Variants in TGFB2 observed in about 807,000 individuals in gnomAD.
TGFB2 encodes transforming growth factor beta 2.
TGFB2 carries 13 observed loss-of-function variants against 42.7 expected under a neutral mutation model. The ratio of observed to expected loss-of-function variants is 0.30; its 90% CI spans 0.20 to 0.48. TGFB2 has a LOEUF of 0.48. Among genes scored for constraint, TGFB2 ranks in the 20% least tolerant of loss-of-function variants. The probability of loss-of-function intolerance (pLI) is 0.99; values close to 1 mark genes in which losing one functional copy is unlikely to be tolerated. For missense variants in TGFB2, 390 were observed against 517.5 expected (o/e 0.75, Z 2.39); for synonymous variants, 193 against 193.6 (o/e 1.00, Z 0.03).
intron 1 of TGFB2, among the ~76,000 whole-genome samples, chr1:218,351,338 G>T (rs978725450): frequency 6.6e-6 from 1 of 152,164 alleles, no homozygotes; most frequent in South Asian, 2.1e-4. Context: ...GAAAGAAAAA[G>T]AGAGCGTATC....
intron 1 of TGFB2, among the ~76,000 whole-genome samples, chr1:218,371,437 C>T (rs558298088): frequency 1.5e-4 from 23 of 152,306 alleles, no homozygotes; most frequent in African/African-American, 5.3e-4. Flanking sequence ...TGAATATTTA[C>T]TGCATATTTG....
At position 218,436,161 on chromosome 1, in the gene TGFB2, A is replaced by G; in HGVS notation, c.932+14A>G. On this transcript the variant is annotated intron_variant, in intron 5 of 6. Coordinates refer to ENST00000366930, the MANE Select transcript of TGFB2 (RefSeq NM_003238.6). ...CTATTGCTTTAGGTAAAGGAAAGAA[A>G]AGTAAAACCAAGTAATTGCATCTGT... The G allele has an allele frequency of 6.2e-7, 1 of 1,603,544 alleles. No individual in the cohort carries two copies. The highest frequency in any genetic ancestry group is 8.5e-7 in the Non-Finnish European group (1 of 1,176,158).
intron 1 of TGFB2, among the ~76,000 whole-genome samples, chr1:218,367,083 G>A (rs913633425): frequency 3.9e-5 from 6 of 152,178 alleles, no homozygotes; most frequent in African/African-American, 1.4e-4. Flanking sequence ...ATCGTGTGTG[G>A]GTGTTGGATG....
Position 218,346,109 on chromosome 1 carries a change from C to T in TGFB2, c.-593C>T. The T allele has an allele frequency of 6.4e-6, 1 of 155,176 alleles. No homozygotes were observed. The highest frequency in any genetic ancestry group is 1.9e-4 in the East Asian group (1 of 5,230). 9.6% of individuals were successfully genotyped at this position (155,176 alleles called of 1,614,324 possible). On this transcript the variant is annotated 5_prime_UTR_variant, in exon 1 of 7. Transcript: ENST00000366930. The surrounding 1 kb of genome is among the most constrained non-coding windows in gnomAD (Gnocchi z 4.9). ...ACGCACACACGTGTGCGCTTCTCTG[C>T]TCCGGAGCTGCTGCTGCTCCTGCTC...
At chr1:218,435,878 A>C in intron 4 of TGFB2, 92 bp from the exon 5 acceptor site, 3 of 1,307,054 alleles carry the variant, frequency 2.3e-6, no homozygotes, top group Non-Finnish European at 3.2e-6. Flanking sequence ...CATCACTGCT[A>C]TTTGTGACAA....
At chr1:218,380,205 CAT>C (rs1412962699) in intron 1 of TGFB2, among the ~76,000 whole-genome samples, 1 of 152,184 alleles carries the variant, frequency 6.6e-6, no homozygotes, top group African/African-American at 2.4e-5. Flanking sequence ...GGTGACCAAT[CAT>C]GTGTCCCTAA....
chr1:218,414,329 G>A (rs1265690248), intron 2 of TGFB2, among the ~76,000 whole-genome samples: 1 of 151,966 alleles, frequency 6.6e-6, no homozygotes, highest in South Asian at 2.1e-4. Context: ...CCAAAAAACT[G>A]TCTGTTAAAT....
chr1:218,422,518 G>A (rs1659490964), intron 2 of TGFB2, among the ~76,000 whole-genome samples: 2 of 152,100 alleles, frequency 1.3e-5, no homozygotes, highest in African/African-American at 2.4e-5. Flanking sequence ...ACCACGCCTG[G>A]CCTTGTTCTC....
At chr1:218,369,203 C>T (rs779879445) in intron 1 of TGFB2, among the ~76,000 whole-genome samples, 2 of 131,722 alleles carry the variant, frequency 1.5e-5, no homozygotes, top group Non-Finnish European at 3.1e-5. Flanking sequence ...TGCAGTAAGC[C>T]GAGATCGTGC....
At chr1:218,387,517 G>C (rs912833636) in intron 1 of TGFB2, among the ~76,000 whole-genome samples, 41 of 152,230 alleles carry the variant, frequency 2.7e-4, no homozygotes, top group African/African-American at 9.4e-4. Flanking sequence ...CTCAAGGGCA[G>C]GTAGTGTCTC....
intron 1 of TGFB2, among the ~76,000 whole-genome samples, chr1:218,349,923 G>T (rs1039639530): frequency 6.6e-6 from 1 of 152,036 alleles, no homozygotes; most frequent in South Asian, 2.1e-4. Flanking sequence ...TTAAAGAAGG[G>T]GTCTGATTAG....
intron 1 of TGFB2, 91 bp from the exon 2 acceptor site, chr1:218,405,077 CT>C: frequency 7.3e-7 from 1 of 1,375,090 alleles, no homozygotes; most frequent in Non-Finnish European, 9.9e-7. Context: ...AGATATTTCC[CT>C]TATGGTTTCT....
chr1:218,381,558 G>A (rs527789471), intron 1 of TGFB2, among the ~76,000 whole-genome samples: 88 of 152,234 alleles, frequency 5.8e-4, no homozygotes, highest in African/African-American at 2.0e-3. Flanking sequence ...CCGACTGAAA[G>A]GCCAGATTTT....
intron 2 of TGFB2, among the ~76,000 whole-genome samples, chr1:218,426,912 T>C (rs1438947188): frequency 6.6e-6 from 1 of 152,196 alleles, no homozygotes; most frequent in Non-Finnish European, 1.5e-5. Flanking sequence ...CAATTACCAA[T>C]CCATGTCATT....
chr1:218,366,095 C>G (rs1289557618), intron 1 of TGFB2, among the ~76,000 whole-genome samples: 1 of 152,190 alleles, frequency 6.6e-6, no homozygotes, highest in Non-Finnish European at 1.5e-5. Flanking sequence ...AGCTTATTAT[C>G]CCCAATAATA....
chr1:218,418,049 C>A (rs1415438479), intron 2 of TGFB2, among the ~76,000 whole-genome samples: 1 of 152,232 alleles, frequency 6.6e-6, no homozygotes, highest in Non-Finnish European at 1.5e-5. Flanking sequence ...CACAGAGTTT[C>A]TACTGGGGCA....
chr1:218,347,192 C>A (rs763621928), intron 1 of TGFB2, 145 bp downstream of exon 1: 3 of 682,486 alleles, frequency 4.4e-6, no homozygotes, highest in Non-Finnish European at 7.5e-6. Flanking sequence ...CCACCACCTC[C>A]TTTTCAGTTG....
intron 1 of TGFB2, among the ~76,000 whole-genome samples, chr1:218,358,014 A>G (rs2102540112): frequency 6.6e-6 from 1 of 152,294 alleles, no homozygotes; most frequent in African/African-American, 2.4e-5. Context: ...TCTAACCCAC[A>G]CGACACTGAC....
Position 218,434,100 on chromosome 1 carries a change from T to G in TGFB2, c.529T>G (p.Leu177Val). Reference protein sequence around the residue: ...ELYQILKSKDLTSPTQRYIDS... With the variant: ...ELYQILKSKDVTSPTQRYIDS... ...CCTCCAGATTCTCAAGTCCAAAGAT[T>G]TAACATCTCCAACCCAGCGCTACAT... The change falls in exon 3 of 7, where the codon TTA becomes GTA. Residue 177 changes from leucine to valine, a missense_variant. By Grantham distance (32) the Leu-to-Val change is conservative. Coordinates refer to ENST00000366930, the MANE Select transcript of TGFB2 (RefSeq NM_003238.6). 6.2e-7 allele frequency: 1 copy of G among 1,614,098 alleles called. No homozygotes were observed. The highest frequency in any genetic ancestry group is 1.3e-5 in the African/African-American group (1 of 75,040).
Sources: allele counts gnomAD v4.1 joint callset (sites outside exome capture counted in the v4.1 genomes callset), GRCh38; gene constraint gnomAD v4.1.1; non-coding constraint Gnocchi (gnomAD v3.1); transcripts MANE v1.5; gene names NCBI Gene and HGNC (gene_info 2026-07-23, HGNC 2026-07-21).